XKR6: variants seen among roughly 807,000 people sequenced by gnomAD.
XKR6 encodes XK related 6.
Under a neutral mutation model 56.7 loss-of-function variants are expected in XKR6, and 22 were observed. That is an observed-to-expected ratio of 0.39 (90% CI 0.28 to 0.55). XKR6 has a LOEUF of 0.55. Ranked by LOEUF, XKR6 falls within the 20% of genes least tolerant of loss-of-function variation. The pLI is 0.66. For missense variants in XKR6, 852 were observed against 889.0 expected (o/e 0.96, Z 0.53); for synonymous variants, 524 against 387.8 (o/e 1.35, Z -4.13).
At chr8:11,199,753 A>G (rs555162846) in intron 1 of XKR6, among the ~76,000 whole-genome samples, 1 of 152,328 alleles carries the variant, frequency 6.6e-6, no homozygotes, top group South Asian at 2.1e-4. Context: ...GAAATTTACA[A>G]AACGAGAAAG....
chr8:11,038,855 A>C (rs2129155001), intron 1 of XKR6, among the ~76,000 whole-genome samples: 1 of 152,210 alleles, frequency 6.6e-6, no homozygotes, highest in South Asian at 2.1e-4. Flanking sequence ...TCAGGCATGT[A>C]ATAAATTTAA....
At chr8:11,042,268 T>C (rs1165649283) in intron 1 of XKR6, among the ~76,000 whole-genome samples, 1 of 151,960 alleles carries the variant, frequency 6.6e-6, no homozygotes, top group Non-Finnish European at 1.5e-5. Context: ...ATTTGCATTA[T>C]ACTAGTTGAG....
At chr8:11,198,555 C>A (rs970281682) in intron 1 of XKR6, among the ~76,000 whole-genome samples, 1 of 151,680 alleles carries the variant, frequency 6.6e-6, no homozygotes. Flanking sequence ...ACTACAAAAG[C>A]TAAATTGACA....
At chr8:10,938,572 A>C (rs1279333989) in intron 1 of XKR6, among the ~76,000 whole-genome samples, 2 of 152,272 alleles carry the variant, frequency 1.3e-5, no homozygotes, top group East Asian at 1.9e-4. Flanking sequence ...TCTCCAAGGC[A>C]TTATCCTAAA....
intron 1 of XKR6, chr8:11,105,029 C>G (rs188207727): frequency 6.6e-6 from 1 of 152,302 alleles, no homozygotes; most frequent in African/African-American, 2.4e-5. Flanking sequence ...TCCCATCACA[C>G]AGCAATGCTG....
intron 1 of XKR6, among the ~76,000 whole-genome samples, chr8:11,093,348 C>T (rs1157360506): frequency 2.6e-5 from 4 of 152,236 alleles, no homozygotes; most frequent in Non-Finnish European, 5.9e-5. Context: ...AGCCACCACG[C>T]CCAGATCTTC....
chr8:11,149,130 A>C (rs992756828), intron 1 of XKR6, among the ~76,000 whole-genome samples: 4 of 152,234 alleles, frequency 2.6e-5, no homozygotes, highest in Admixed American at 2.0e-4. Context: ...TGATGGAATC[A>C]GGAGCCCGTG....
rs1438654720 is a variant in XKR6, at chr8:10,924,627, C to T, written c.961+7G>A. ...GGGGTGGCGGGGCGCGGCCGGCGGG[C>T]ACTCACAGGGCAGGGTCTCGGCGCT... On this transcript the variant is annotated splice_region_variant and intron_variant, in intron 2 of 2. Coordinates refer to ENST00000416569, the MANE Select transcript of XKR6 (RefSeq NM_173683.4). 10 of 1,595,872 alleles carry T rather than the reference C, an allele frequency of 6.3e-6. No individual in the cohort carries two copies. Among genetic ancestry groups the T allele is most frequent in the African/African-American group, 2.7e-5 (2 of 74,584 alleles).
At chr8:11,004,440 A>C (rs1477414033) in intron 1 of XKR6, among the ~76,000 whole-genome samples, 1 of 152,162 alleles carries the variant, frequency 6.6e-6, no homozygotes, top group Non-Finnish European at 1.5e-5. Context: ...ACGCCACTGC[A>C]CTTCAGCCTA....
intron 1 of XKR6, among the ~76,000 whole-genome samples, chr8:10,969,665 G>C (rs1351224316): frequency 5.9e-5 from 9 of 152,222 alleles, no homozygotes; most frequent in Admixed American, 5.9e-4. Flanking sequence ...ACAGCCTAGA[G>C]ACAAACACTG....
intron 1 of XKR6, among the ~76,000 whole-genome samples, chr8:11,044,508 AC>A (rs1252044977): frequency 6.6e-6 from 1 of 152,182 alleles, no homozygotes; most frequent in African/African-American, 2.4e-5. Context: ...CAGCTGACAC[AC>A]CTGGGGCCCT....
In XKR6 at chr8:10,896,421, C is replaced by G. The variant is rs1799883397; in HGVS notation, c.*1531G>C. 1.3e-5 allele frequency: 2 copies of G among 152,570 alleles called. No individual in the cohort carries two copies. The highest frequency in any genetic ancestry group is 1.3e-4 in the Admixed American group (2 of 15,268). The allele number at this position is 152,570 out of a possible 1,614,324, so 9.5% of individuals were successfully genotyped here. A position where few individuals can be genotyped will look rare whatever the true frequency, so the allele number is the denominator to read the frequency against. On this transcript the variant is annotated 3_prime_UTR_variant, in exon 3 of 3. Coordinates refer to ENST00000416569, the MANE Select transcript of XKR6 (RefSeq NM_173683.4). ...GTGGGCAGGCAGCATCACTTCCCCA[C>G]CACTCCAGAGCCCCCGCCCCCATGC...
At chr8:10,938,100 G>A (rs1247418132) in intron 1 of XKR6, among the ~76,000 whole-genome samples, 7 of 152,174 alleles carry the variant, frequency 4.6e-5, no homozygotes, top group Non-Finnish European at 8.8e-5. Flanking sequence ...ATATAGTCTC[G>A]TGATGCGCCG....
chr8:11,162,244 C>T (rs1311704251), intron 1 of XKR6, among the ~76,000 whole-genome samples: 1 of 152,044 alleles, frequency 6.6e-6, no homozygotes, highest in Admixed American at 6.5e-5. Context: ...TGGTTGCTGC[C>T]CGTGGGCTGT....
chr8:11,040,091 G>T (rs1446696535), intron 1 of XKR6, among the ~76,000 whole-genome samples: 1 of 152,124 alleles, frequency 6.6e-6, no homozygotes, highest in African/African-American at 2.4e-5. Context: ...GGCCCAGGCA[G>T]TTCCTTGGGA....
At chr8:11,162,163 T>C (rs1003198688) in intron 1 of XKR6, among the ~76,000 whole-genome samples, 2 of 152,226 alleles carry the variant, frequency 1.3e-5, no homozygotes, top group African/African-American at 4.8e-5. Flanking sequence ...CCAAATGTTT[T>C]CAAAAGAATT....
At chr8:11,168,924 T>C (rs1283667235) in intron 1 of XKR6, among the ~76,000 whole-genome samples, 9 of 152,202 alleles carry the variant, frequency 5.9e-5, no homozygotes, top group Non-Finnish European at 1.5e-5. Flanking sequence ...GTGGGCTCTG[T>C]TGGGTTCCTG....
At position 11,108,682 on chromosome 8, in the gene XKR6, C is replaced by T. The variant is rs1325290570; in HGVS notation, c.764+91894G>A. 13 of 212,784 alleles carry T rather than the reference C, an allele frequency of 6.1e-5. No homozygotes were observed. The South Asian group carries it at 8.2e-4, about 13-fold the overall frequency. 13.2% of individuals were successfully genotyped at this position (212,784 alleles called of 1,614,324 possible). ...GTTCTATGCGTGGAAAAGCAATGAG[C>T]GACCTTCAAGATCTGATGCTCCATT... On this transcript the variant is annotated intron_variant, in intron 1 of 2. Coordinates refer to ENST00000416569, the MANE Select transcript of XKR6 (RefSeq NM_173683.4).
intron 1 of XKR6, among the ~76,000 whole-genome samples, chr8:11,181,612 A>C (rs1802985738): frequency 6.6e-6 from 1 of 152,200 alleles, no homozygotes; most frequent in African/African-American, 2.4e-5. Flanking sequence ...ATATATGTGG[A>C]AAGAGGAATA....
Sources: gnomAD v4.1 joint callset for allele counts (sites outside exome capture counted in the v4.1 genomes callset) on GRCh38, gnomAD v4.1.1 for gene constraint, MANE v1.5 for transcripts, NCBI Gene and HGNC (gene_info 2026-07-23, HGNC 2026-07-21) for gene names.